The following RGS11 variants were observed in gnomAD, a reference collection of about 807,000 sequenced individuals.
RGS11 encodes the protein regulator of G protein signaling 11.
Under a neutral mutation model 71.1 loss-of-function variants are expected in RGS11, and 86 were observed. The observed-to-expected ratio is 1.21, with a 90% CI of 1.02 to 1.45. RGS11 has a LOEUF of 1.45. Among genes scored for constraint, RGS11 ranks in the 40% most tolerant of loss-of-function variants. RGS11 has a pLI of 0.00. For missense variants in RGS11, 734 were observed against 635.1 expected, an observed-to-expected ratio of 1.16 and a Z score of -1.67; for synonymous variants, 298 against 254.2, an observed-to-expected ratio of 1.17 and a Z score of -1.64.
At chr16:272,586 C>T in intron 9 of RGS11, 1 of 1,456,374 alleles carries the variant, frequency 6.9e-7, no homozygotes, top group Non-Finnish European at 9.1e-7. Flanking sequence ...TGATACTGTT[C>T]TGGAGAAGAG....
intron 4 of RGS11, 99 bp from the exon 5 acceptor site, chr16:274,364 G>T (rs1211727891): frequency 1.5e-6 from 2 of 1,337,890 alleles, no homozygotes; most frequent in East Asian, 5.0e-5. Flanking sequence ...CCTGGGCTGG[G>T]CAGGAGGTGT....
At chr16:274,839 C>G in intron 4 of RGS11, 137 bp downstream of exon 4, 4 of 1,234,360 alleles carry the variant, frequency 3.2e-6, no homozygotes, top group Non-Finnish European at 4.6e-6. Flanking sequence ...GGCGATGGAC[C>G]ACCAGCCCAC....
At chr16:273,070 C>G in intron 8 of RGS11, 139 bp from the exon 9 acceptor site, 1 of 800,960 alleles carries the variant, frequency 1.2e-6, no homozygotes, top group Non-Finnish European at 1.9e-6. Context: ...TAGCCGTCAG[C>G]TGTCTCTTCT....
chr16:270,995 T>C lies in RGS11; in HGVS notation c.968A>G (p.Lys323Arg). ...GRAHFMDFLG[K>R]EFSGENLSFW... ...TGGGGGGTTCTCACCACTGAACTCC[T>C]TTCCCAGAAAGTCCATGAAGTGGGC... is the stretch of plus-strand genomic sequence containing the variant. The change falls in exon 13 of 17, where the codon AAG becomes AGG. Residue 323 changes from lysine (K) to arginine (R), a missense_variant. Physicochemically the swap from Lys to Arg is conservative, Grantham distance 26. Coordinates refer to ENST00000397770, the MANE Select transcript of RGS11 (RefSeq NM_183337.3). 1.2e-6 allele frequency: 2 copies of C among 1,611,766 alleles called. No homozygotes were observed. Among genetic ancestry groups the C allele is most frequent in the South Asian group, 1.1e-5 (1 of 91,042 alleles).
chr16:272,950 A>G lies in RGS11; in HGVS notation c.589-19T>C. 6.7e-7 allele frequency: 1 copy of G among 1,483,296 alleles called. No homozygotes were observed. The highest frequency in any genetic ancestry group is 9.0e-7 in the Non-Finnish European group (1 of 1,110,314). The allele number at this position is 1,483,296 out of a possible 1,614,324, so 91.9% of individuals were successfully genotyped here. On this transcript the variant is annotated intron_variant, in intron 8 of 16. Transcript: ENST00000397770. ...CCCCGGGCTGCGGAGGGGAGACGAG[A>G]TGAGGTGGGGATGCAGTTCCGGTGG... is the stretch of plus-strand genomic sequence containing the variant.
At position 271,421 on chromosome 16, in the gene RGS11, T is replaced by C. The variant is rs200905717; in HGVS notation, c.727A>G (p.Lys243Glu). The part of the protein sequence containing the change: ...FRKALGRTRV[K>E]SSVCLEAYLS... Reference sequence around the variant, plus strand: ...CACGCCTCAAGGCAGACGGAGGACTTCACTCGGGTCCTGCCCAGCGCTTTC... The same window carrying C: ...CACGCCTCAAGGCAGACGGAGGACTCCACTCGGGTCCTGCCCAGCGCTTTC... Residue 243 changes from lysine (K) to glutamate (E), a missense_variant, in exon 11 of 17, where the codon AAG becomes GAG. Physicochemically the swap from Lys to Glu is moderately conservative, Grantham distance 56. Transcript: ENST00000397770. 15 of 1,613,492 alleles carry C rather than the reference T, an allele frequency of 9.3e-6. No homozygotes were observed. Among genetic ancestry groups the C allele is most frequent in the Non-Finnish European group, 1.3e-5 (15 of 1,179,996 alleles).
At chr16:275,243 C>T in intron 3 of RGS11, 40 bp downstream of exon 3, 2 of 1,611,394 alleles carry the variant, frequency 1.2e-6, no homozygotes, top group South Asian at 1.1e-5. Flanking sequence ...AGGCCACCAG[C>T]CCAGTGACCC....
intron 4 of RGS11, 116 bp downstream of exon 4, chr16:274,860 C>T (rs1157324144): frequency 2.9e-6 from 4 of 1,372,934 alleles, no homozygotes; most frequent in South Asian, 1.3e-5. Flanking sequence ...GGCGACATGG[C>T]GGAGTCCCAC....
At position 272,308 on chromosome 16, in the gene RGS11, C is replaced by T. The variant is rs1362389396; in HGVS notation, c.657+555G>A. ...CTGCGAGTCCTGGCCTGTGTCCCCG[C>T]TCTCTCTGACCAGCTTTGTATGGGG... On this transcript the variant is annotated intron_variant, in intron 9 of 16. Coordinates refer to ENST00000397770, the MANE Select transcript of RGS11 (RefSeq NM_183337.3). 3.9e-6 allele frequency: 5 copies of T among 1,281,752 alleles called. No homozygotes were observed. In the African/African-American group the frequency reaches 7.6e-5, roughly 19 times the overall value. The allele number at this position is 1,281,752 out of a possible 1,614,324, so 79.4% of individuals were successfully genotyped here. A position where few individuals can be genotyped will look rare whatever the true frequency, so the allele number is the denominator to read the frequency against.
intron 15 of RGS11, chr16:269,804 C>A (rs767071051): frequency 7.4e-6 from 4 of 539,128 alleles, no homozygotes; most frequent in Non-Finnish European, 1.3e-5. Context: ...CAAAAAATGG[C>A]AAGAGCCCTG....
In RGS11 at chr16:269,087, A is replaced by T; in HGVS notation, c.*182T>A. ...ACACCTGGACCCATTCCTTCTGGGCAGGGAGGGCTTGCTGGAGGGAGGGAG... is the reference window on the plus strand; with the variant it reads ...ACACCTGGACCCATTCCTTCTGGGCTGGGAGGGCTTGCTGGAGGGAGGGAG... On this transcript the variant is annotated 3_prime_UTR_variant, in exon 17 of 17. Transcript: ENST00000397770. 1.1e-6 allele frequency: 1 copy of T among 951,584 alleles called. No individual in the cohort carries two copies. Among genetic ancestry groups the T allele is most frequent in the Non-Finnish European group, 1.7e-6 (1 of 602,986 alleles). The allele number at this position is 951,584 out of a possible 1,614,324, so 58.9% of individuals were successfully genotyped here. A position where few individuals can be genotyped will look rare whatever the true frequency, so the allele number is the denominator to read the frequency against.
chr16:275,050 G>A lies in RGS11; in HGVS notation c.244C>T (p.His82Tyr). 1 of 1,490,618 alleles carries A rather than the reference G, an allele frequency of 6.7e-7. No individual in the cohort carries two copies. The highest frequency in any genetic ancestry group is 8.9e-7 in the Non-Finnish European group (1 of 1,117,656). 92.3% of individuals were successfully genotyped at this position (1,490,618 alleles called of 1,614,324 possible). Residue 82 changes from histidine to tyrosine, a missense_variant, in exon 4 of 17, where the codon CAT becomes TAT. By Grantham distance (83) the His-to-Tyr change is moderately conservative. Coordinates refer to ENST00000397770, the MANE Select transcript of RGS11 (RefSeq NM_183337.3). ...ALHLGAVLVQ[H>Y]GYIYPLRDPR... ...TCGCGCAGCGGGTAGATGTAGCCAT[G>A]CTGCACCAGGACGGCGCCCAGGTGC...
intron 10 of RGS11, 23 bp downstream of exon 10, chr16:271,517 C>G (rs766148936): frequency 3.1e-6 from 5 of 1,613,896 alleles, no homozygotes; most frequent in Admixed American, 3.3e-5. Context: ...CTGGCACCCT[C>G]CACTCCCAGC....
Position 272,592 on chromosome 16 carries a change from A to G in RGS11, c.657+271T>C, listed in dbSNP as rs1453781340. 3 of 1,453,884 alleles carry G rather than the reference A, an allele frequency of 2.1e-6. No individual in the cohort carries two copies. The Admixed American group carries it at 6.7e-5, about 32-fold the overall frequency. The allele number at this position is 1,453,884 out of a possible 1,614,324, so 90.1% of individuals were successfully genotyped here. A position where few individuals can be genotyped will look rare whatever the true frequency, so the allele number is the denominator to read the frequency against. On this transcript the variant is annotated intron_variant, in intron 9 of 16. Coordinates refer to ENST00000397770, the MANE Select transcript of RGS11 (RefSeq NM_183337.3). The stretch of plus-strand genomic sequence containing the variant: ...AGCAAACCCTGATACTGTTCTGGAG[A>G]AGAGCCCCCTTCCTCCCCGCCAGCC...
chr16:275,801 CG>C, intron 1 of RGS11, 47 bp downstream of exon 1: 1 of 779,458 alleles, frequency 1.3e-6, no homozygotes, highest in Non-Finnish European at 1.7e-6. Flanking sequence ...CTCCCGGCCT[CG>C]GGCGCCGGGA....
In RGS11 at chr16:275,061, A is replaced by G. The variant is rs2141428120; in HGVS notation, c.233T>C (p.Val78Ala). ...GTAGATGTAGCCATGCTGCACCAGG[A>G]CGGCGCCCAGGTGCAGGGCCTCTGG... ...SEEEALHLGA[V>A]LVQHGYIYPL... The change falls in exon 4 of 17, where the codon GTC (valine) becomes GCC (alanine). Residue 78 changes from valine (V) to alanine (A), a missense_variant. By Grantham distance (64) the Val-to-Ala change is moderately conservative (BLOSUM62 0). Transcript: ENST00000397770. 1.3e-6 allele frequency: 2 copies of G among 1,483,302 alleles called. No homozygotes were observed. The highest frequency in any genetic ancestry group is 1.8e-6 in the Non-Finnish European group (2 of 1,114,938). 91.9% of individuals were successfully genotyped at this position (1,483,302 alleles called of 1,614,324 possible).
At position 271,248 on chromosome 16, in the gene RGS11, G is replaced by T; in HGVS notation, c.817C>A (p.Pro273Thr). Residue 273 changes from proline (P) to threonine (T), a missense_variant, in exon 12 of 17, where the codon CCC becomes ACC. Pro to Thr is a conservative substitution (Grantham distance 38). Coordinates refer to ENST00000397770, the MANE Select transcript of RGS11 (RefSeq NM_183337.3). ...TAGGCGTCATTGTCTGAGATCCAGG[G>T]ATTGCTGGGCAGGCACCCCGACACG... ...PLVSGCLPSN[P>T]WISDNDAYWV... The T allele has an allele frequency of 6.2e-7, 1 of 1,612,970 alleles. No individual in the cohort carries two copies. The highest frequency in any genetic ancestry group is 2.2e-5 in the East Asian group (1 of 44,874).
At position 272,663 on chromosome 16, in the gene RGS11, G is replaced by A. The variant is rs1046166642; in HGVS notation, c.657+200C>T. 14 of 1,462,946 alleles carry A rather than the reference G, an allele frequency of 9.6e-6. No individual in the cohort carries two copies. The East Asian group carries it at 2.2e-4, about 23-fold the overall frequency. The allele number at this position is 1,462,946 out of a possible 1,614,324, so 90.6% of individuals were successfully genotyped here. A position where few individuals can be genotyped will look rare whatever the true frequency, so the allele number is the denominator to read the frequency against. ...CTTACCTGCACCCAGGGCAGCAGGT[G>A]GGAGGGGAGAGAAAGCGAGAGTTAG... On this transcript the variant is annotated intron_variant, in intron 9 of 16. Transcript: ENST00000397770.
intron 15 of RGS11, 94 bp downstream of exon 15, chr16:270,429 G>T: frequency 7.1e-7 from 1 of 1,404,574 alleles, no homozygotes; most frequent in South Asian, 1.4e-5. Flanking sequence ...GTCAACGTGG[G>T]CAGTGCCTGT....
Sources: allele counts gnomAD v4.1 joint callset, GRCh38; gene constraint gnomAD v4.1.1; transcripts MANE v1.5; gene names NCBI Gene and HGNC (gene_info 2026-07-23, HGNC 2026-07-21).